Variants in KIAA0319L observed in about 807,000 individuals in gnomAD.
KIAA0319L encodes dyslexia-associated protein KIAA0319-like protein.
In KIAA0319L, 55 loss-of-function variants were observed where a neutral mutation model predicts 120.1. The ratio of observed to expected loss-of-function variants is 0.46; its 90% CI spans 0.37 to 0.57. The LOEUF (loss-of-function observed/expected upper bound fraction) is 0.57, where lower values mean the gene tolerates loss of function less well. KIAA0319L is among the 20% of genes least tolerant of loss of function. The pLI is 0.00. For synonymous variants in KIAA0319L, 398 were observed against 471.9 expected, an observed-to-expected ratio of 0.84 and a Z score of 2.03; for missense variants, 1,049 against 1,255.3, an observed-to-expected ratio of 0.84 and a Z score of 2.48.
At chr1:35,504,383 AGAC>A (rs1392169745) in intron 3 of KIAA0319L, among the ~76,000 whole-genome samples, 54 of 152,008 alleles carry the variant, frequency 3.6e-4, no homozygotes, top group Non-Finnish European at 4.0e-4. Flanking sequence ...TTTTTAGTAG[AGAC>A]AAGGTTTCAC....
chr1:35,442,792 A>C, intron 18 of KIAA0319L, 114 bp downstream of exon 18: 1 of 1,297,116 alleles, frequency 7.7e-7, no homozygotes, highest in Non-Finnish European at 1.1e-6. Flanking sequence ...GAAAATACAC[A>C]AAGTTCTTCT....
At chr1:35,522,208 GGGAA>G (rs1645950284) in intron 2 of KIAA0319L, among the ~76,000 whole-genome samples, 1 of 152,028 alleles carries the variant, frequency 6.6e-6, no homozygotes, top group Admixed American at 6.6e-5. Flanking sequence ...ACTTTAGGAG[GGGAA>G]GCCAGGTGAC....
chr1:35,465,258 C>T (rs182477571), intron 7 of KIAA0319L, among the ~76,000 whole-genome samples: 1 of 152,314 alleles, frequency 6.6e-6, no homozygotes, highest in East Asian at 1.9e-4. Flanking sequence ...GGAGGCTGTA[C>T]CCTGCAAAGC....
At chr1:35,490,270 C>G (rs1199650550) in intron 3 of KIAA0319L, among the ~76,000 whole-genome samples, 1 of 152,198 alleles carries the variant, frequency 6.6e-6, no homozygotes, top group Non-Finnish European at 1.5e-5. Context: ...TAATAAAAGT[C>G]CTACTTTAGT....
At chr1:35,465,061 G>A (rs941421166) in intron 7 of KIAA0319L, among the ~76,000 whole-genome samples, 1 of 152,248 alleles carries the variant, frequency 6.6e-6, no homozygotes, top group Non-Finnish European at 1.5e-5. Flanking sequence ...ACCTCTGCTA[G>A]GGCAGTGCAG....
At chr1:35,535,767 C>T (rs1646550887) in intron 2 of KIAA0319L, among the ~76,000 whole-genome samples, 1 of 152,134 alleles carries the variant, frequency 6.6e-6, no homozygotes, top group Admixed American at 6.6e-5. Context: ...AGATGCCTCT[C>T]TTCTGTGCAT....
At chr1:35,511,611 G>T (rs987081349) in intron 2 of KIAA0319L, among the ~76,000 whole-genome samples, 2 of 152,096 alleles carry the variant, frequency 1.3e-5, no homozygotes, top group African/African-American at 4.8e-5. Context: ...AAAAGAATGG[G>T]TCATCAAATG....
At chr1:35,479,766 T>C (rs1012907908) in intron 3 of KIAA0319L, among the ~76,000 whole-genome samples, 10 of 151,862 alleles carry the variant, frequency 6.6e-5, no homozygotes, top group African/African-American at 1.9e-4. Flanking sequence ...TAGCTGGGCA[T>C]GGTGGCCATG....
chr1:35,555,697 C>T (rs1185401664), intron 1 of KIAA0319L, among the ~76,000 whole-genome samples: 2 of 152,178 alleles, frequency 1.3e-5, no homozygotes, highest in Admixed American at 6.5e-5. Context: ...CAAGAGGGAA[C>T]GAGTGAGTAT....
chr1:35,498,152 A>C (rs1214735853), intron 3 of KIAA0319L, among the ~76,000 whole-genome samples: 1 of 152,054 alleles, frequency 6.6e-6, no homozygotes, highest in Non-Finnish European at 1.5e-5. Context: ...GGCCAACGTG[A>C]TGAAACCCTG....
In KIAA0319L at chr1:35,437,689, C is replaced by T. The variant is rs2149067740; in HGVS notation, c.2963-2608G>A. 6.6e-6 allele frequency among the ~76,000 whole-genome samples: 1 copy of T among 152,304 alleles called. No homozygotes were observed. Among genetic ancestry groups the T allele is most frequent in the Non-Finnish European group, 1.5e-5 (1 of 68,022 alleles). ...ACGGCTGTCCCCTAATGAATCCCCT[C>T]CTCCCTCCTGGATGGTCATTCTTGG... On this transcript the variant is annotated intron_variant, in intron 20 of 20. Coordinates refer to ENST00000325722, the MANE Select transcript of KIAA0319L (RefSeq NM_024874.5). The surrounding 1 kb of genome is among the most constrained non-coding windows in gnomAD (Gnocchi z 4.1).
Position 35,434,841 on chromosome 1 carries a change from A to G in KIAA0319L, c.*53T>C, listed in dbSNP as rs1640655921. The G allele has an allele frequency of 1.3e-6, 2 of 1,500,012 alleles. No individual in the cohort carries two copies. The highest frequency in any genetic ancestry group is 1.8e-6 in the Non-Finnish European group (2 of 1,101,216). The allele number at this position is 1,500,012 out of a possible 1,614,324, so 92.9% of individuals were successfully genotyped here. On this transcript the variant is annotated 3_prime_UTR_variant, in exon 21 of 21. Transcript: ENST00000325722. ...GCTGCCCGCAGACTCGGGAGGTAGG[A>G]GGACTGGCCGGGCAGTGTGCTGGGC...
Position 35,495,513 on chromosome 1 carries a change from ACTG to A in KIAA0319L, c.666+11096_666+11098del, listed in dbSNP as rs369417209. 3.3e-3 allele frequency among the ~76,000 whole-genome samples: 508 copies of A among 152,364 alleles called. 2 individuals are homozygous for A. Among genetic ancestry groups the A allele is most frequent in the Non-Finnish European group, 4.7e-3 (317 of 68,040 alleles). The stretch of plus-strand genomic sequence containing the variant: ...AATTAATATCTGCTCTTTGAAAGAC[ACTG>A]CTAAGAGAATGAAAAGATAAGTTAC... On this transcript the variant is annotated intron_variant, in intron 3 of 20. Transcript: ENST00000325722.
At chr1:35,479,788 A>C (rs1644069143) in intron 3 of KIAA0319L, among the ~76,000 whole-genome samples, 1 of 151,956 alleles carries the variant, frequency 6.6e-6, no homozygotes, top group Non-Finnish European at 1.5e-5. Context: ...CTGTGGTCCC[A>C]GCTACTTGGG....
At position 35,514,446 on chromosome 1, in the gene KIAA0319L, G is replaced by C. The variant is rs58496166; in HGVS notation, c.143-7311C>G. Among the ~76,000 whole-genome samples, 298 of 150,084 alleles carry C rather than the reference G, an allele frequency of 2.0e-3. 6 individuals are homozygous for C. Among genetic ancestry groups the C allele is most frequent in the East Asian group, 0.012 (61 of 5,078 alleles). ...GAGTGGCAACCTGGATAAAAAACAA[G>C]ACCCAATGGCATTCTGTCTTCTCAC... On this transcript the variant is annotated intron_variant, in intron 2 of 20. Transcript: ENST00000325722.
At chr1:35,543,485 T>G (rs1174811505) in intron 2 of KIAA0319L, among the ~76,000 whole-genome samples, 2 of 152,198 alleles carry the variant, frequency 1.3e-5, no homozygotes, top group Non-Finnish European at 2.9e-5. Flanking sequence ...AGCAGAGATA[T>G]AATGCCACCT....
At chr1:35,460,254 G>C (rs758364165) in intron 9 of KIAA0319L, 51 bp downstream of exon 9, 2 of 1,510,954 alleles carry the variant, frequency 1.3e-6, no homozygotes, top group South Asian at 1.2e-5. Flanking sequence ...TAAAACCCAC[G>C]AGAGGCAAAA....
At chr1:35,458,631 T>C (rs933980943) in intron 9 of KIAA0319L, among the ~76,000 whole-genome samples, 6 of 152,238 alleles carry the variant, frequency 3.9e-5, no homozygotes. Flanking sequence ...TTAAACTCTT[T>C]GTGCCAAAAT....
chr1:35,528,378 T>C lies in KIAA0319L; in HGVS notation c.143-21243A>G, dbSNP rs749332063. The stretch of plus-strand genomic sequence containing the variant: ...AGAAATTTATCTCTTCTTTTTTCAT[T>C]GATCCAATGGTCACTCAGGTGCATG... On this transcript the variant is annotated intron_variant, in intron 2 of 20. Transcript: ENST00000325722. 1.2e-4 allele frequency among the ~76,000 whole-genome samples: 19 copies of C among 152,348 alleles called. No individual in the cohort carries two copies. In the Middle Eastern group the frequency reaches 0.01, roughly 82 times the overall value.
Sources: allele counts gnomAD v4.1 joint callset (sites outside exome capture counted in the v4.1 genomes callset), GRCh38; gene constraint gnomAD v4.1.1; non-coding constraint Gnocchi (gnomAD v3.1); transcripts MANE v1.5; gene names NCBI Gene and HGNC (gene_info 2026-07-23, HGNC 2026-07-21).